The following ANKHD1 variants were observed in gnomAD, a reference collection of about 807,000 sequenced individuals.
ANKHD1 encodes ankyrin repeat and KH domain containing 1, also known as ankyrin repeat and KH domain-containing protein 1.
A neutral mutation model predicts 230.5 loss-of-function variants in ANKHD1; 31 were observed. The ratio of observed to expected loss-of-function variants is 0.13; its 90% CI spans 0.10 to 0.18. The LOEUF (loss-of-function observed/expected upper bound fraction) is 0.18, where lower values mean the gene tolerates loss of function less well. Ranked by LOEUF, ANKHD1 falls within the 10% of genes least tolerant of loss-of-function variation. The probability of loss-of-function intolerance (pLI) is 1.00; values close to 1 mark genes in which losing one functional copy is unlikely to be tolerated. For synonymous variants in ANKHD1, 1,074 were observed against 1,117.6 expected (o/e 0.96, Z 0.78); for missense variants, 2,256 against 3,071.3 (o/e 0.73, Z 6.27).
intron 22 of ANKHD1, 128 bp downstream of exon 22, chr5:140,510,309 CTTT>C (rs34693244): frequency 9.7e-3 from 5,209 of 535,086 alleles, no homozygotes; most frequent in South Asian, 0.013. Context: ...TCTTTCCATT[CTTT>C]TTTTTTTTTT....
chr5:140,458,720 C>A lies in ANKHD1; in HGVS notation c.1338C>A (p.Ala446=). ...TTGAATCTCCATTGACGCTAGCTGC[C>A]TGTGGAGGACATGTTGAATTGGCAG... ...DSFESPLTLA[A]CGGHVELAAL... The change falls in exon 8 of 34, where the codon GCC becomes GCA. Residue 446 remains alanine (A), a synonymous_variant. Coordinates refer to ENST00000360839, the MANE Select transcript of ANKHD1 (RefSeq NM_017747.3). 1 of 1,613,336 alleles carries A rather than the reference C, an allele frequency of 6.2e-7. No individual in the cohort carries two copies. Among genetic ancestry groups the A allele is most frequent in the Non-Finnish European group, 8.5e-7 (1 of 1,179,808 alleles).
intron 1 of ANKHD1, among the ~76,000 whole-genome samples, chr5:140,409,988 TG>T (rs1027388175): frequency 2.6e-5 from 4 of 152,148 alleles, no homozygotes; most frequent in African/African-American, 9.7e-5. Context: ...TTGATTAGTA[TG>T]GGTGGAGGAA....
intron 24 of ANKHD1, among the ~76,000 whole-genome samples, chr5:140,518,967 A>G (rs993182520): frequency 6.6e-6 from 1 of 152,166 alleles, no homozygotes; most frequent in Admixed American, 6.6e-5. Context: ...AATAAAGGGT[A>G]TTCAATTAGG....
chr5:140,519,944 A>G (rs1753241446), intron 24 of ANKHD1, among the ~76,000 whole-genome samples: 1 of 152,034 alleles, frequency 6.6e-6, no homozygotes, highest in Admixed American at 6.5e-5. Context: ...TAATTAAACT[A>G]AAGAGCTTCT....
chr5:140,509,907 T>G, intron 21 of ANKHD1, 95 bp downstream of exon 21: 1 of 1,542,828 alleles, frequency 6.5e-7, no homozygotes, highest in Non-Finnish European at 8.7e-7. Context: ...TTATTGATAT[T>G]GTTAAGAAAA....
intron 1 of ANKHD1, among the ~76,000 whole-genome samples, chr5:140,413,043 T>G (rs889851064): frequency 6.6e-6 from 1 of 152,228 alleles, no homozygotes; most frequent in Non-Finnish European, 1.5e-5. Context: ...TGCTAGTGAT[T>G]GATTCATCTG....
At chr5:140,426,407 G>A (rs1481493427) in intron 1 of ANKHD1, among the ~76,000 whole-genome samples, 1 of 152,218 alleles carries the variant, frequency 6.6e-6, no homozygotes, top group Non-Finnish European at 1.5e-5. Context: ...GGGGTTACAA[G>A]GTGTGAGCCA....
chr5:140,507,408 A>G lies in ANKHD1; in HGVS notation c.3552-377A>G, dbSNP rs1752586118. Among the ~76,000 whole-genome samples, 1 of 152,192 alleles carries G rather than the reference A, an allele frequency of 6.6e-6. No individual in the cohort carries two copies. The highest frequency in any genetic ancestry group is 1.5e-5 in the Non-Finnish European group (1 of 68,032). On this transcript the variant is annotated intron_variant, in intron 19 of 33. Coordinates refer to ENST00000360839, the MANE Select transcript of ANKHD1 (RefSeq NM_017747.3). The surrounding 1 kb of genome is among the most constrained non-coding windows in gnomAD (Gnocchi z 4.1). Reference sequence around the variant, plus strand: ...CCGCGAACTCTGCCTCCGGGGTTCAAGCGATTCTTATGCCTCAGCCTCCCA... The same window carrying G: ...CCGCGAACTCTGCCTCCGGGGTTCAGGCGATTCTTATGCCTCAGCCTCCCA...
chr5:140,493,632 T>A (rs1317565363), intron 14 of ANKHD1, among the ~76,000 whole-genome samples: 2 of 152,228 alleles, frequency 1.3e-5, no homozygotes, highest in Non-Finnish European at 2.9e-5. Context: ...ATTCTTGATG[T>A]TATAGCTTGT....
At chr5:140,460,868 CAACCATA>C (rs1362769141) in intron 9 of ANKHD1, among the ~76,000 whole-genome samples, 1 of 152,114 alleles carries the variant, frequency 6.6e-6, no homozygotes, top group Non-Finnish European at 1.5e-5. Flanking sequence ...TTGGACAAAC[CAACCATA>C]AATGCTGACT....
intron 11 of ANKHD1, chr5:140,484,873 C>T: frequency 2.8e-6 from 1 of 361,550 alleles, no homozygotes; most frequent in Non-Finnish European, 4.4e-6. Context: ...CATTGGGAGG[C>T]TGGGTAGTGA....
intron 1 of ANKHD1, among the ~76,000 whole-genome samples, chr5:140,406,010 C>A (rs564678588): frequency 6.6e-6 from 1 of 151,360 alleles, no homozygotes; most frequent in Non-Finnish European, 1.5e-5. Context: ...GAGGCCAAGG[C>A]GGGTGGATCA....
chr5:140,449,606 G>C (rs554950716), intron 7 of ANKHD1, among the ~76,000 whole-genome samples: 1 of 151,298 alleles, frequency 6.6e-6, no homozygotes, highest in South Asian at 2.1e-4. Flanking sequence ...AGGTTGCAGT[G>C]AGCAGAGATT....
chr5:140,429,771 A>G (rs1276076461), intron 1 of ANKHD1, among the ~76,000 whole-genome samples: 1 of 152,236 alleles, frequency 6.6e-6, no homozygotes, highest in East Asian at 1.9e-4. Context: ...AGATATTATT[A>G]TTTTATTACA....
intron 4 of ANKHD1, 101 bp from the exon 5 acceptor site, chr5:140,440,894 C>T (rs1581249412): frequency 7.6e-7 from 1 of 1,313,512 alleles, no homozygotes; most frequent in East Asian, 2.9e-5. Flanking sequence ...TTTTCCCACC[C>T]CTATTCTAGA....
chr5:140,497,309 C>A (rs1752076941), intron 15 of ANKHD1, 31 bp downstream of exon 15: 1 of 1,559,604 alleles, frequency 6.4e-7, no homozygotes, highest in Non-Finnish European at 8.6e-7. Flanking sequence ...GTAATAATTT[C>A]TCTTTAATCT....
intron 29 of ANKHD1, among the ~76,000 whole-genome samples, chr5:140,530,823 T>C (rs781635652): frequency 6.6e-6 from 1 of 152,280 alleles, no homozygotes; most frequent in Non-Finnish European, 1.5e-5. Context: ...AACTGCCCCA[T>C]ATTCCATGCT....
chr5:140,535,363 G>A lies in ANKHD1; in HGVS notation c.6852G>A (p.Gly2284=). 6.3e-7 allele frequency: 1 copy of A among 1,591,392 alleles called. No homozygotes were observed. Among genetic ancestry groups the A allele is most frequent in the Non-Finnish European group, 8.5e-7 (1 of 1,171,846 alleles). ...PSQRVSTSPV[G]LPSIDPSGSS... is the part of the protein sequence containing the mutation. ...TGTCTTGGACCTGTTTTATTTCAGG[G>A]TTACCATCCATTGACCCATCAGGCA... The change falls in exon 30 of 34, where the codon GGG becomes GGA. Residue 2284 remains glycine (G), a splice_region_variant and synonymous_variant. Transcript: ENST00000360839.
At chr5:140,508,097 A>G in intron 20 of ANKHD1, 99 bp downstream of exon 20, 1 of 1,394,022 alleles carries the variant, frequency 7.2e-7, no homozygotes, top group Non-Finnish European at 9.5e-7. Context: ...ATTATCATAA[A>G]TTAAAACTGA....
Sources: allele counts gnomAD v4.1 joint callset (sites outside exome capture counted in the v4.1 genomes callset), GRCh38; gene constraint gnomAD v4.1.1; non-coding constraint Gnocchi (gnomAD v3.1); transcripts MANE v1.5; gene names NCBI Gene and HGNC (gene_info 2026-07-23, HGNC 2026-07-21).